Variants in KIF5A observed in about 807,000 individuals in gnomAD.
The protein encoded by KIF5A is kinesin heavy chain isoform 5A.
A neutral mutation model predicts 141.3 loss-of-function variants in KIF5A; 35 were observed. That is an observed-to-expected ratio of 0.25 (90% CI 0.19 to 0.33). The LOEUF (loss-of-function observed/expected upper bound fraction) is 0.33. Among genes scored for constraint, KIF5A ranks in the 10% least tolerant of loss-of-function variants. KIF5A has a pLI of 1.00. For synonymous variants in KIF5A, 448 were observed against 500.2 expected, an observed-to-expected ratio of 0.90 and a Z score of 1.39; for missense variants, 861 against 1,314.3, an observed-to-expected ratio of 0.66 and a Z score of 5.33.
intron 6 of KIF5A, among the ~76,000 whole-genome samples, chr12:57,565,813 C>T (rs189983067): frequency 1.5e-4 from 23 of 150,438 alleles, no homozygotes; most frequent in Admixed American, 8.0e-4. Context: ...TTAGTAGAGA[C>T]GGGGTTTCAC....
intron 27 of KIF5A, 52 bp downstream of exon 27, chr12:57,582,681 G>T (rs1422622196): frequency 4.1e-6 from 6 of 1,469,660 alleles, no homozygotes; most frequent in Non-Finnish European, 5.7e-6. Flanking sequence ...CAGAAGAAAT[G>T]ATTAAATTTC....
At position 57,578,434 on chromosome 12, in the gene KIF5A, A is replaced by G; in HGVS notation, c.2538+92A>G. 4.7e-6 allele frequency: 4 copies of G among 844,974 alleles called. No homozygotes were observed. In the South Asian group the frequency reaches 5.4e-5, roughly 12 times the overall value. The allele number at this position is 844,974 out of a possible 1,614,324, so 52.3% of individuals were successfully genotyped here. On this transcript the variant is annotated intron_variant, in intron 23 of 28. Transcript: ENST00000455537. ...AGGCCCCTTGGATTCAGGAAAATCT[A>G]GTTGCATGTTTTCCTTACTGTTCGC...
rs1189158028 is a variant in KIF5A, at chr12:57,550,104, C to G, written c.-168C>G. ...GCATCCCGCTGCCGCAGGAGAGAGA[C>G]AGCGCGCCCCGGCCCTGCTCCCCAG... On this transcript the variant is annotated 5_prime_UTR_variant, in exon 1 of 29. Coordinates refer to ENST00000455537, the MANE Select transcript of KIF5A (RefSeq NM_004984.4). This position sits in a 1 kb window ranked among gnomAD's most constrained non-coding sequence, Gnocchi z 4.6. The G allele has an allele frequency of 4.7e-6, 4 of 848,482 alleles. No individual in the cohort carries two copies. Among genetic ancestry groups the G allele is most frequent in the Admixed American group, 2.2e-5 (1 of 46,354 alleles). The allele number at this position is 848,482 out of a possible 1,614,324, so 52.6% of individuals were successfully genotyped here. A position where few individuals can be genotyped will look rare whatever the true frequency, so the allele number is the denominator to read the frequency against.
chr12:57,565,029 G>A, intron 6 of KIF5A, 56 bp downstream of exon 6: 1 of 1,519,888 alleles, frequency 6.6e-7, no homozygotes, highest in African/African-American at 1.4e-5. Context: ...ATGTTGGTGG[G>A]GGAGGAGCAT....
At chr12:57,571,010 A>G (rs1193648228) in intron 12 of KIF5A, among the ~76,000 whole-genome samples, 1 of 138,912 alleles carries the variant, frequency 7.2e-6, no homozygotes, top group African/African-American at 2.7e-5. Flanking sequence ...TTTGTTGCCC[A>G]GGCTGGTCTC....
rs1288743658 is a variant in KIF5A, at chr12:57,575,177, C to T, written c.1810C>T (p.Arg604Trp). 3 of 1,613,830 alleles carry T rather than the reference C, an allele frequency of 1.9e-6. No individual in the cohort carries two copies. Among genetic ancestry groups the T allele is most frequent in the Non-Finnish European group, 2.5e-6 (3 of 1,179,946 alleles). ...IKSEVKSVVK[R>W]CRQLENLQVE... ...ATCAGAAGTCAAGTCTGTGGTCAAG[C>T]GGTGCCGGCAGCTGGAGAACCTCCA... Residue 604 changes from arginine (R) to tryptophan (W), a missense_variant, in exon 16 of 29, where the codon CGG becomes TGG. Around this residue, in one of 5 missense-constraint regions of KIF5A, gnomAD observed 482 missense variants for 661.3 expected, o/e 0.73. Coordinates refer to ENST00000455537, the MANE Select transcript of KIF5A (RefSeq NM_004984.4).
At position 57,569,083 on chromosome 12, in the gene KIF5A, G is replaced by T. The variant is rs1217901982; in HGVS notation, c.819+16G>T. The T allele has an allele frequency of 6.2e-7, 1 of 1,601,108 alleles. No individual in the cohort carries two copies. Among genetic ancestry groups the T allele is most frequent in the African/African-American group, 1.3e-5 (1 of 74,566 alleles). ...TGAGGGCACTGTGAGTGATCCTTAG[G>T]TCCCCTCACCCCTCAAGCCACACCC... On this transcript the variant is annotated intron_variant, in intron 9 of 28. Transcript: ENST00000455537.
At chr12:57,564,068 C>A (rs755859551) in intron 3 of KIF5A, 40 bp from the exon 4 acceptor site, 1 of 1,441,434 alleles carries the variant, frequency 6.9e-7, no homozygotes, top group African/African-American at 1.4e-5. Context: ...CTCATTCTCC[C>A]TGAGCCCCAG....
chr12:57,575,806 G>A, intron 17 of KIF5A, 49 bp downstream of exon 17: 1 of 1,317,358 alleles, frequency 7.6e-7, no homozygotes. Context: ...AGAAAAGTCA[G>A]AAACATCAAA....
chr12:57,578,550 T>C lies in KIF5A; in HGVS notation c.2538+208T>C, dbSNP rs559752831. ...TCATGCCTGTATTCCCTTCTCAAAG[T>C]TTCTAACCCACCTCTGCTCAAAGTG... On this transcript the variant is annotated intron_variant, in intron 23 of 28. Transcript: ENST00000455537. Among the ~76,000 whole-genome samples, 3 of 152,298 alleles carry C rather than the reference T, an allele frequency of 2.0e-5. No homozygotes were observed. The South Asian group carries it at 6.2e-4, about 32-fold the overall frequency.
intron 1 of KIF5A, among the ~76,000 whole-genome samples, chr12:57,552,102 T>G (rs188096006): frequency 6.6e-6 from 1 of 151,936 alleles, no homozygotes; most frequent in African/African-American, 2.4e-5. Flanking sequence ...GTTGTGAGAG[T>G]TGGAGCTTCA....
In KIF5A at chr12:57,550,130, G is replaced by T; in HGVS notation, c.-142G>T. ...AGCGCGCCCCGGCCCTGCTCCCCAG[G>T]CTTCGCCCGGGCGCCCTCAACTCTG... is the stretch of plus-strand genomic sequence containing the variant. On this transcript the variant is annotated 5_prime_UTR_variant, in exon 1 of 29. Transcript: ENST00000455537. The surrounding 1 kb of genome is among the most constrained non-coding windows in gnomAD (Gnocchi z 4.6). 3 of 1,192,836 alleles carry T rather than the reference G, an allele frequency of 2.5e-6. No homozygotes were observed. The highest frequency in any genetic ancestry group is 3.7e-6 in the Non-Finnish European group (3 of 818,760). 73.9% of individuals were successfully genotyped at this position (1,192,836 alleles called of 1,614,324 possible). A position where few individuals can be genotyped will look rare whatever the true frequency, so the allele number is the denominator to read the frequency against.
At chr12:57,579,142 G>A (rs1255730036) in intron 23 of KIF5A, among the ~76,000 whole-genome samples, 1 of 152,110 alleles carries the variant, frequency 6.6e-6, no homozygotes, top group African/African-American at 2.4e-5. Context: ...TGTGTATTAA[G>A]TTGCTGCCTC....
intron 26 of KIF5A, 78 bp from the exon 27 acceptor site, chr12:57,582,524 G>C: frequency 9.0e-7 from 1 of 1,110,730 alleles, no homozygotes; most frequent in Non-Finnish European, 1.4e-6. Flanking sequence ...ATGGGAGAGG[G>C]TTTGCGCAAA....
Position 57,550,299 on chromosome 12 carries a change from A to T in KIF5A, c.28A>T (p.Ile10Phe). The T allele has an allele frequency of 6.2e-7, 1 of 1,614,204 alleles. No individual in the cohort carries two copies. Among genetic ancestry groups the T allele is most frequent in the Non-Finnish European group, 8.5e-7 (1 of 1,180,024 alleles). ...GGCGGAGACCAACAACGAATGTAGC[A>T]TCAAGGTGCTCTGCCGATTCCGGCC... MAETNNECSIKVLCRFRPLN... is the reference protein window; with the variant it reads MAETNNECSFKVLCRFRPLN... The change falls in exon 1 of 29, where the codon ATC becomes TTC. Residue 10 changes from isoleucine (I) to phenylalanine (F), a missense_variant. Physicochemically the swap from Ile to Phe is conservative, Grantham distance 21. This residue lies in a region of KIF5A where 59 missense variants were observed against 81.1 expected (regional missense o/e 0.73). Transcript: ENST00000455537. This position sits in a 1 kb window ranked among gnomAD's most constrained non-coding sequence, Gnocchi z 4.6.
At chr12:57,571,038 C>G (rs905904364) in intron 12 of KIF5A, among the ~76,000 whole-genome samples, 1 of 150,600 alleles carries the variant, frequency 6.6e-6, no homozygotes, top group Non-Finnish European at 1.5e-5. Context: ...TGGCCTCAAG[C>G]GATCCTCCCG....
Position 57,576,863 on chromosome 12 carries a change from G to A in KIF5A, c.2300+1G>A. The A allele has an allele frequency of 6.2e-7, 1 of 1,610,338 alleles. No homozygotes were observed. Among genetic ancestry groups the A allele is most frequent in the Non-Finnish European group, 8.5e-7 (1 of 1,176,860 alleles). On this transcript the variant is annotated splice_donor_variant, in intron 20 of 28. Transcript: ENST00000455537. LOFTEE classifies it high-confidence loss of function. ...AGAGCACCAAGCTGCAGGAGCTGAC[G>A]TGAGTGGCATGGATTTACCTGTAAA...
At chr12:57,577,396 A>C (rs1882460626) in intron 20 of KIF5A, among the ~76,000 whole-genome samples, 1 of 152,138 alleles carries the variant, frequency 6.6e-6, no homozygotes, top group Non-Finnish European at 1.5e-5. Context: ...GTAGTTCGAG[A>C]CCAGCCTGGG....
rs941260958 is a variant in KIF5A at position 57,558,416 on chromosome 12, C to T, written c.130-5023C>T. On this transcript the variant is annotated intron_variant, in intron 1 of 28. Transcript: ENST00000455537. The stretch of plus-strand genomic sequence containing the variant: ...TTAGGCCAGGTGCGGTGGCTTACGC[C>T]TGTAATCTCAGCATTGGGAGGCCAA... Among the ~76,000 whole-genome samples the T allele has an allele frequency of 2.6e-5, 4 of 152,048 alleles. No individual in the cohort carries two copies. In the South Asian group the frequency reaches 6.2e-4, roughly 24 times the overall value.
Sources: allele counts gnomAD v4.1 joint callset (sites outside exome capture counted in the v4.1 genomes callset), GRCh38; gene constraint gnomAD v4.1.1; regional missense constraint gnomAD v4.1.1; non-coding constraint Gnocchi (gnomAD v3.1); transcripts MANE v1.5; gene names NCBI Gene and HGNC (gene_info 2026-07-23, HGNC 2026-07-21).